ZNHIT6: variants seen among roughly 807,000 people sequenced by gnomAD.
ZNHIT6 encodes the protein box C/D snoRNA protein 1.
Under a neutral mutation model 57.2 loss-of-function variants are expected in ZNHIT6, and 45 were observed. The ratio of observed to expected loss-of-function variants is 0.79; its 90% CI spans 0.62 to 1.01. The LOEUF (loss-of-function observed/expected upper bound fraction) is 1.01, where lower values mean the gene tolerates loss of function less well. Ranked by LOEUF, ZNHIT6 falls within the 50% of genes least tolerant of loss-of-function variation. The pLI, the probability that ZNHIT6 is intolerant of heterozygous loss-of-function variation, is 0.00. For missense variants in ZNHIT6, 528 were observed against 567.3 expected, an observed-to-expected ratio of 0.93 and a Z score of 0.70; for synonymous variants, 188 against 190.0, an observed-to-expected ratio of 0.99 and a Z score of 0.09.
rs191086966 is a variant in ZNHIT6, at chr1:85,694,618, C to T, written c.1019+7539G>A. Among the ~76,000 whole-genome samples, 156 of 152,308 alleles carry T rather than the reference C, an allele frequency of 1.0e-3. 1 individual carries two copies. The highest frequency in any genetic ancestry group is 1.6e-3 in the Non-Finnish European group (108 of 68,016). The stretch of plus-strand genomic sequence containing the variant: ...CTGGGATTACAGGCGCACGCCTCCA[C>T]GCTCAGCTAATTTTTGTATTTTTAG... On this transcript the variant is annotated intron_variant, in intron 5 of 9. Coordinates refer to ENST00000370574, the MANE Select transcript of ZNHIT6 (RefSeq NM_017953.4).
At chr1:85,671,592 T>C (rs930061811) in intron 8 of ZNHIT6, among the ~76,000 whole-genome samples, 3 of 152,318 alleles carry the variant, frequency 2.0e-5, no homozygotes, top group South Asian at 4.1e-4. Context: ...GTTCATTGAA[T>C]CATTTCAGCA....
chr1:85,682,016 C>CTTTTT (rs11394559), intron 5 of ZNHIT6, among the ~76,000 whole-genome samples: 2 of 132,316 alleles, frequency 1.5e-5, no homozygotes, highest in Non-Finnish European at 3.1e-5. Flanking sequence ...TTTTGTTCAT[C>CTTTTT]TTTTTTTTTT....
chr1:85,685,741 T>TAGAGACA (rs1662014807), intron 5 of ZNHIT6, among the ~76,000 whole-genome samples: 1 of 152,080 alleles, frequency 6.6e-6, no homozygotes, highest in Non-Finnish European at 1.5e-5. Flanking sequence ...TGAATTTTAG[T>TAGAGACA]AGAGACAAGC....
chr1:85,658,430 C>T (rs1661126391), intron 8 of ZNHIT6, among the ~76,000 whole-genome samples: 1 of 152,018 alleles, frequency 6.6e-6, no homozygotes, highest in Non-Finnish European at 1.5e-5. Flanking sequence ...CGGGGTTTCA[C>T]AGTGTTAGCT....
In ZNHIT6 at chr1:85,672,555, C is replaced by T. The variant is rs118187411; in HGVS notation, c.1247+4681G>A. ...CTTTAATAAAAATCAAACATCACTT[C>T]CACAACAAAGCCTTCTGATGACATG... On this transcript the variant is annotated intron_variant, in intron 8 of 9. Coordinates refer to ENST00000370574, the MANE Select transcript of ZNHIT6 (RefSeq NM_017953.4). 1.5e-4 allele frequency among the ~76,000 whole-genome samples: 23 copies of T among 152,220 alleles called. No homozygotes were observed. In the East Asian group the frequency reaches 3.5e-3, roughly 23 times the overall value.
chr1:85,668,823 C>CT (rs1208042504), intron 8 of ZNHIT6, among the ~76,000 whole-genome samples: 1 of 152,144 alleles, frequency 6.6e-6, no homozygotes, highest in Non-Finnish European at 1.5e-5. Flanking sequence ...CTTTATACAA[C>CT]TTCAACAACT....
rs770100838 is a variant in ZNHIT6, at chr1:85,702,135, T to C, written c.1019+22A>G. ...CCTGATCAAATCAGAATACCTGATATACTAAAAAGTTAGAAACTTACTTCT... is the reference window on the plus strand; with the variant it reads ...CCTGATCAAATCAGAATACCTGATACACTAAAAAGTTAGAAACTTACTTCT... On this transcript the variant is annotated intron_variant, in intron 5 of 9. Coordinates refer to ENST00000370574, the MANE Select transcript of ZNHIT6 (RefSeq NM_017953.4). 15 of 1,483,564 alleles carry C rather than the reference T, an allele frequency of 1.0e-5. No homozygotes were observed. The South Asian group carries it at 1.5e-4, about 15-fold the overall frequency. 91.9% of individuals were successfully genotyped at this position (1,483,564 alleles called of 1,614,324 possible). A position where few individuals can be genotyped will look rare whatever the true frequency, so the allele number is the denominator to read the frequency against.
Position 85,657,901 on chromosome 1 carries a change from T to C in ZNHIT6, c.1318A>G (p.Thr440Ala), listed in dbSNP as rs541789985. 131 of 1,605,342 alleles carry C rather than the reference T, an allele frequency of 8.2e-5. No homozygotes were observed. Among genetic ancestry groups the C allele is most frequent in the East Asian group, 1.1e-4 (5 of 44,608 alleles). ...LRNKVIIEYP[T>A]LHVVLKGSNN... ...GATCCTTTCAATACCACATGTAATGTTGGATACTCAATGATCACTTTGTTC... is the reference window on the plus strand; with the variant it reads ...GATCCTTTCAATACCACATGTAATGCTGGATACTCAATGATCACTTTGTTC... The change falls in exon 9 of 10, where the codon ACA becomes GCA. Residue 440 changes from threonine to alanine, a missense_variant. Coordinates refer to ENST00000370574, the MANE Select transcript of ZNHIT6 (RefSeq NM_017953.4).
At position 85,707,778 on chromosome 1, in the gene ZNHIT6, A is replaced by T; in HGVS notation, c.507T>A (p.Gly169=). The change falls in exon 1 of 10, where the codon GGT becomes GGA. Residue 169 remains glycine (G), a synonymous_variant. Transcript: ENST00000370574. ...GCATCAATTCCTCTTTTATGCATTG[A>T]CCAACAAACTTCTCCTCCTGTTTTA... is the stretch of plus-strand genomic sequence containing the variant. The part of the protein sequence containing the change: ...LEIKQEEKFV[G]QCIKEELMHG... 1 of 1,614,088 alleles carries T rather than the reference A, an allele frequency of 6.2e-7. No homozygotes were observed. The highest frequency in any genetic ancestry group is 1.3e-5 in the African/African-American group (1 of 75,028).
chr1:85,707,195 C>T (rs1010590779), intron 1 of ZNHIT6, among the ~76,000 whole-genome samples: 1 of 152,174 alleles, frequency 6.6e-6, no homozygotes, highest in African/African-American at 2.4e-5. Flanking sequence ...ATTCACAGCA[C>T]CCATGAAGAA....
Position 85,654,034 on chromosome 1 carries a change from ACTTT to A in ZNHIT6, c.*20_*23del, listed in dbSNP as rs1660987451. 10 of 1,609,052 alleles carry A rather than the reference ACTTT, an allele frequency of 6.2e-6. No individual in the cohort carries two copies. The highest frequency in any genetic ancestry group is 8.5e-6 in the Non-Finnish European group (10 of 1,176,868). On this transcript the variant is annotated 3_prime_UTR_variant, in exon 10 of 10. Coordinates refer to ENST00000370574, the MANE Select transcript of ZNHIT6 (RefSeq NM_017953.4). ...CTGCTGCAGTTGTCTGGAAGTTTTC[ACTTT>A]CTTCTTCCAGAAAAAATGCTCAATT...
chr1:85,652,365 G>A lies in ZNHIT6; in HGVS notation c.*1693C>T. 6.6e-6 allele frequency: 1 copy of A among 152,124 alleles called. No individual in the cohort carries two copies. Among genetic ancestry groups the A allele is most frequent in the East Asian group, 1.9e-4 (1 of 5,192 alleles). The allele number at this position is 152,124 out of a possible 1,614,324, so 9.4% of individuals were successfully genotyped here. The stretch of plus-strand genomic sequence containing the variant: ...ACTTTTGATTATAAATGAATTCCTT[G>A]AAATCTTATTTGTCTCTCCAATAAT... On this transcript the variant is annotated 3_prime_UTR_variant, in exon 10 of 10. Transcript: ENST00000370574.
chr1:85,682,302 G>T (rs2100685903), intron 5 of ZNHIT6, among the ~76,000 whole-genome samples: 1 of 151,734 alleles, frequency 6.6e-6, no homozygotes, highest in Non-Finnish European at 1.5e-5. Context: ...GGGATTACAG[G>T]CATGAGCCAC....
At chr1:85,697,446 A>T (rs1210847619) in intron 5 of ZNHIT6, among the ~76,000 whole-genome samples, 1 of 152,212 alleles carries the variant, frequency 6.6e-6, no homozygotes, top group Non-Finnish European at 1.5e-5. Flanking sequence ...AAGATTCAGC[A>T]TTTCCTCTCA....
chr1:85,682,850 A>T (rs1322903027), intron 5 of ZNHIT6, among the ~76,000 whole-genome samples: 1 of 152,232 alleles, frequency 6.6e-6, no homozygotes, highest in African/African-American at 2.4e-5. Context: ...AGGGCTATTG[A>T]TAACAGTAGA....
chr1:85,663,567 TG>T (rs1661282151), intron 8 of ZNHIT6, among the ~76,000 whole-genome samples: 1 of 152,206 alleles, frequency 6.6e-6, no homozygotes, highest in African/African-American at 2.4e-5. Context: ...TGCTAGGTAA[TG>T]GAAGTTCATA....
At chr1:85,686,099 C>T (rs1010432278) in intron 5 of ZNHIT6, among the ~76,000 whole-genome samples, 3 of 151,866 alleles carry the variant, frequency 2.0e-5, no homozygotes, top group Non-Finnish European at 4.4e-5. Context: ...GTAGTTGGGA[C>T]TACAGGTGCC....
intron 9 of ZNHIT6, 95 bp downstream of exon 9, chr1:85,657,752 G>C: frequency 8.1e-7 from 1 of 1,241,028 alleles, no homozygotes. Flanking sequence ...TGTAAATATA[G>C]TGGGAAAACA....
At chr1:85,670,244 A>G (rs1661521237) in intron 8 of ZNHIT6, among the ~76,000 whole-genome samples, 1 of 152,156 alleles carries the variant, frequency 6.6e-6, no homozygotes, top group Non-Finnish European at 1.5e-5. Flanking sequence ...ACCATATTCT[A>G]GTCATGTCCA....
Sources: allele counts gnomAD v4.1 joint callset (sites outside exome capture counted in the v4.1 genomes callset), GRCh38; gene constraint gnomAD v4.1.1; transcripts MANE v1.5; gene names NCBI Gene and HGNC (gene_info 2026-07-23, HGNC 2026-07-21).